The following TTYH1 variants were observed in gnomAD, a reference collection of about 807,000 sequenced individuals.
TTYH1 encodes the protein tweety family member 1, also known as protein tweety homolog 1.
Under a neutral mutation model 61.2 loss-of-function variants are expected in TTYH1, and 33 were observed. That is an observed-to-expected ratio of 0.54 (90% CI 0.41 to 0.72). The LOEUF is 0.72. Ranked by LOEUF, TTYH1 falls within the 30% of genes least tolerant of loss-of-function variation. The pLI, the probability that TTYH1 is intolerant of heterozygous loss-of-function variation, is 0.00. For synonymous variants in TTYH1, 308 were observed against 266.4 expected (o/e 1.16, Z -1.52); for missense variants, 538 against 575.8 (o/e 0.93, Z 0.67).
intron 1 of TTYH1, among the ~76,000 whole-genome samples, chr19:54,418,076 G>A (rs2083127079): frequency 6.6e-6 from 1 of 151,966 alleles, no homozygotes; most frequent in Non-Finnish European, 1.5e-5. Context: ...GAAACACCGT[G>A]GTTTAGGGGA....
rs922997386 is a variant in TTYH1, at chr19:54,418,101, G to C, written c.127-1027G>C. Among the ~76,000 whole-genome samples the C allele has an allele frequency of 5.3e-5, 8 of 152,118 alleles. 1 individual carries two copies. Among genetic ancestry groups the C allele is most frequent in the Admixed American group, 3.3e-4 (5 of 15,270 alleles). The stretch of plus-strand genomic sequence containing the variant: ...GGTTTAGGGGAAACAGCCTTGGCAA[G>C]TCCAGAGGTGTGACTCTGATCCCAA... On this transcript the variant is annotated intron_variant, in intron 1 of 13. Coordinates refer to ENST00000376530, the MANE Select transcript of TTYH1 (RefSeq NM_020659.4).
Position 54,435,700 on chromosome 19 carries a change from G to A in TTYH1, c.1268+16G>A. On this transcript the variant is annotated intron_variant, in intron 11 of 13. Coordinates refer to ENST00000376530, the MANE Select transcript of TTYH1 (RefSeq NM_020659.4). ...TCCCACCCAGGTCAGGAGCGGGGGA[G>A]GGTAGGGTCCTGGGGAGGGAAGAGG... The A allele has an allele frequency of 6.2e-6, 10 of 1,608,506 alleles. No individual in the cohort carries two copies. Among genetic ancestry groups the A allele is most frequent in the Non-Finnish European group, 7.6e-6 (9 of 1,177,270 alleles).
At chr19:54,424,420 CGG>C (rs2122893057) in intron 4 of TTYH1, among the ~76,000 whole-genome samples, 1 of 152,356 alleles carries the variant, frequency 6.6e-6, no homozygotes, top group Non-Finnish European at 1.5e-5. Flanking sequence ...GGAGGCCTTC[CGG>C]GATGCTGCGC....
chr19:54,423,413 G>A (rs1404929634), intron 4 of TTYH1, among the ~76,000 whole-genome samples: 3 of 151,972 alleles, frequency 2.0e-5, no homozygotes, highest in Non-Finnish European at 4.4e-5. Context: ...AGCCAGGCTG[G>A]TCTCAAACTC....
chr19:54,425,572 G>A (rs2083306146), intron 4 of TTYH1, among the ~76,000 whole-genome samples: 1 of 152,158 alleles, frequency 6.6e-6, no homozygotes, highest in Admixed American at 6.5e-5. Context: ...TTTAAAGGTG[G>A]ATGCGGTCAC....
chr19:54,415,474 C>T lies in TTYH1; in HGVS notation c.-79C>T. On this transcript the variant is annotated 5_prime_UTR_variant, in exon 1 of 14. Coordinates refer to ENST00000376530, the MANE Select transcript of TTYH1 (RefSeq NM_020659.4). The surrounding 1 kb of genome is among the most constrained non-coding windows in gnomAD (Gnocchi z 5.2). The stretch of plus-strand genomic sequence containing the variant: ...CGCTCCCCTGAGCCCAGCCAGACCC[C>T]GCGCCGCCCGCGCCCCGCTCGACTC... 1 of 1,275,222 alleles carries T rather than the reference C, an allele frequency of 7.8e-7. No homozygotes were observed. 79.0% of individuals were successfully genotyped at this position (1,275,222 alleles called of 1,614,324 possible).
chr19:54,422,515 G>A, intron 4 of TTYH1, 105 bp downstream of exon 4: 1 of 966,130 alleles, frequency 1.0e-6, no homozygotes, highest in Non-Finnish European at 1.5e-6. Context: ...GACAGCTGGG[G>A]AGTGTGTGCG....
rs188969299 is a variant in TTYH1, at chr19:54,436,068, C to G, written c.1315-23C>G. 12 of 1,612,382 alleles carry G rather than the reference C, an allele frequency of 7.4e-6. No homozygotes were observed. Among genetic ancestry groups the G allele is most frequent in the East Asian group, 2.2e-5 (1 of 44,860 alleles). On this transcript the variant is annotated intron_variant, in intron 12 of 13. Coordinates refer to ENST00000376530, the MANE Select transcript of TTYH1 (RefSeq NM_020659.4). This position sits in a 1 kb window ranked among gnomAD's most constrained non-coding sequence, Gnocchi z 4.3. ...TCCCACTCCATTCCCTCCTCTCCCC[C>G]GCTACCCCGAATCTCCTAGCAGGAA...
rs146174229 is a variant in TTYH1 at position 54,425,364 on chromosome 19, C to T, written c.639-1309C>T. 5.2e-3 allele frequency among the ~76,000 whole-genome samples: 793 copies of T among 152,318 alleles called. 4 individuals are homozygous for T. The highest frequency in any genetic ancestry group is 0.018 in the African/African-American group (760 of 41,576). On this transcript the variant is annotated intron_variant, in intron 4 of 13. Coordinates refer to ENST00000376530, the MANE Select transcript of TTYH1 (RefSeq NM_020659.4). The stretch of plus-strand genomic sequence containing the variant: ...GAGTGAAAACAGAGTTCCCATACAA[C>T]GGGAGGGGACCCAAAGTGGGTAGCC...
At chr19:54,432,141 A>C (rs2083456840) in intron 10 of TTYH1, 2 of 152,212 alleles carry the variant, frequency 1.3e-5, no homozygotes, top group East Asian at 3.9e-4. Context: ...GAATCGCTTG[A>C]ATCCACGAGG....
At position 54,420,447 on chromosome 19, in the gene TTYH1, G is replaced by A. The variant is rs912129091; in HGVS notation, c.306-830G>A. 6.6e-6 allele frequency among the ~76,000 whole-genome samples: 1 copy of A among 152,126 alleles called. No individual in the cohort carries two copies. The highest frequency in any genetic ancestry group is 1.5e-5 in the Non-Finnish European group (1 of 67,996). On this transcript the variant is annotated intron_variant, in intron 2 of 13. Coordinates refer to ENST00000376530, the MANE Select transcript of TTYH1 (RefSeq NM_020659.4). This position sits in a 1 kb window ranked among gnomAD's most constrained non-coding sequence, Gnocchi z 4.8. ...TTGTAGGACTCTGAACAATGGGGCGGGGACACTGGGCGTCCGACCCGAGGG... is the reference window on the plus strand; with the variant it reads ...TTGTAGGACTCTGAACAATGGGGCGAGGACACTGGGCGTCCGACCCGAGGG...
At chr19:54,426,479 G>A in intron 4 of TTYH1, 194 bp from the exon 5 acceptor site, 1 of 614,964 alleles carries the variant, frequency 1.6e-6, no homozygotes, top group South Asian at 1.9e-5. Flanking sequence ...CCAGTGTCCT[G>A]TCTCATGATA....
chr19:54,430,019 GCCT>G, intron 7 of TTYH1, 62 bp downstream of exon 7: 1 of 1,465,754 alleles, frequency 6.8e-7, no homozygotes, highest in Non-Finnish European at 9.5e-7. Context: ...GCTTCCTCAG[GCCT>G]CCTCTGTGCC....
chr19:54,419,052 C>G lies in TTYH1; in HGVS notation c.127-76C>G, dbSNP rs1296321868. ...TCTGACATCCCAGACCCCGACCCCC[C>G]AGCCACGCAGGAAGGGGGATCTGAG... On this transcript the variant is annotated intron_variant, in intron 1 of 13. Transcript: ENST00000376530. The surrounding 1 kb of genome is among the most constrained non-coding windows in gnomAD (Gnocchi z 6.1). 7 of 1,456,768 alleles carry G rather than the reference C, an allele frequency of 4.8e-6. No individual in the cohort carries two copies. Among genetic ancestry groups the G allele is most frequent in the Admixed American group, 4.2e-5 (2 of 47,702 alleles). 90.2% of individuals were successfully genotyped at this position (1,456,768 alleles called of 1,614,324 possible).
At chr19:54,426,955 T>C (rs925924938) in intron 5 of TTYH1, among the ~76,000 whole-genome samples, 187 bp downstream of exon 5, 1 of 151,878 alleles carries the variant, frequency 6.6e-6, no homozygotes, top group African/African-American at 2.4e-5. Context: ...GCCCTAACAG[T>C]ATGAAGTATG....
Position 54,419,028 on chromosome 19 carries a change from C to G in TTYH1, c.127-100C>G, listed in dbSNP as rs1027522774. 2 of 1,226,998 alleles carry G rather than the reference C, an allele frequency of 1.6e-6. No individual in the cohort carries two copies. Among genetic ancestry groups the G allele is most frequent in the African/African-American group, 3.0e-5 (2 of 66,270 alleles). 76.0% of individuals were successfully genotyped at this position (1,226,998 alleles called of 1,614,324 possible). A position where few individuals can be genotyped will look rare whatever the true frequency, so the allele number is the denominator to read the frequency against. ...GCCAGGGATGTCTCCCACCTTCACT[C>G]TGACATCCCAGACCCCGACCCCCCA... is the stretch of plus-strand genomic sequence containing the variant. On this transcript the variant is annotated intron_variant, in intron 1 of 13. Transcript: ENST00000376530. The surrounding 1 kb of genome is among the most constrained non-coding windows in gnomAD (Gnocchi z 6.1).
At chr19:54,433,628 G>A (rs2083482565) in intron 10 of TTYH1, 1 of 151,040 alleles carries the variant, frequency 6.6e-6, no homozygotes, top group East Asian at 2.0e-4. Flanking sequence ...AGCACTTTGG[G>A]AGGCCCAGTG....
chr19:54,436,152 G>C lies in TTYH1; in HGVS notation c.*23G>C, dbSNP rs147841877. 17,525 of 1,614,056 alleles carry C rather than the reference G, an allele frequency of 0.011. 148 individuals carry two copies. Among genetic ancestry groups the C allele is most frequent in the Non-Finnish European group, 0.013 (14,840 of 1,179,962 alleles). On this transcript the variant is annotated 3_prime_UTR_variant, in exon 13 of 14. Transcript: ENST00000376530. This position sits in a 1 kb window ranked among gnomAD's most constrained non-coding sequence, Gnocchi z 4.3. ...TGAGCCCCTCCTCCCGGCTGGACTGGAGCCTGGCTCCCCTCTTCGGTGAGC... is the reference window on the plus strand; with the variant it reads ...TGAGCCCCTCCTCCCGGCTGGACTGCAGCCTGGCTCCCCTCTTCGGTGAGC...
chr19:54,430,492 G>A (rs1464755465), intron 7 of TTYH1, 58 bp from the exon 8 acceptor site: 3 of 1,590,352 alleles, frequency 1.9e-6, no homozygotes, highest in Non-Finnish European at 8.6e-7. Flanking sequence ...GCCTTCCCCC[G>A]GGAGATCCCT....
Sources: gnomAD v4.1 joint callset for allele counts (sites outside exome capture counted in the v4.1 genomes callset) on GRCh38, gnomAD v4.1.1 for gene constraint, Gnocchi (gnomAD v3.1) non-coding constraint, MANE v1.5 for transcripts, NCBI Gene and HGNC (gene_info 2026-07-23, HGNC 2026-07-21) for gene names.